The following ARHGAP44 variants were observed in gnomAD, a reference collection of about 807,000 sequenced individuals.
ARHGAP44 encodes rho GTPase-activating protein 44.
In ARHGAP44, 43 loss-of-function variants were observed where a neutral mutation model predicts 106.8. That is an observed-to-expected ratio of 0.40 (90% CI 0.32 to 0.52). The LOEUF is 0.52. Ranked by LOEUF, ARHGAP44 falls within the 20% of genes least tolerant of loss-of-function variation. ARHGAP44 has a pLI of 0.48. For synonymous variants in ARHGAP44, 439 were observed against 410.3 expected (o/e 1.07, Z -0.85); for missense variants, 866 against 1,050.5 (o/e 0.82, Z 2.43).
chr17:12,932,657 A>G (rs778135202), intron 7 of ARHGAP44, among the ~76,000 whole-genome samples: 1 of 151,342 alleles, frequency 6.6e-6, no homozygotes, highest in Non-Finnish European at 1.5e-5. Context: ...ATATACTTTA[A>G]TACATCTGAA....
chr17:12,951,850 T>C (rs1038665726), intron 12 of ARHGAP44, among the ~76,000 whole-genome samples: 5 of 152,186 alleles, frequency 3.3e-5, no homozygotes, highest in African/African-American at 1.2e-4. Flanking sequence ...GAGACTTCGA[T>C]TGAATTGGGC....
intron 3 of ARHGAP44, among the ~76,000 whole-genome samples, chr17:12,903,103 AGAGAGAGAGAGAGAGAGAGAGAG>A (rs2037425190): frequency 6.0e-5 from 7 of 115,948 alleles, no homozygotes; most frequent in Non-Finnish European, 9.9e-5. Flanking sequence ...AGAGAGAGAG[AGAGAGAGAGAGAGAGAGAGAGAG>A]GAGAGAGAGA....
intron 1 of ARHGAP44, among the ~76,000 whole-genome samples, chr17:12,845,879 A>G (rs550713178): frequency 3.9e-5 from 6 of 152,222 alleles, no homozygotes; most frequent in Non-Finnish European, 8.8e-5. Flanking sequence ...TCAGTGGAAT[A>G]CCTATTCTGG....
intron 19 of ARHGAP44, chr17:12,981,007 G>C (rs1172302350): frequency 6.6e-6 from 1 of 152,116 alleles, no homozygotes; most frequent in Non-Finnish European, 1.5e-5. Context: ...CCCTTTTCCA[G>C]CCCCCTTAGT....
intron 1 of ARHGAP44, among the ~76,000 whole-genome samples, chr17:12,871,519 A>T (rs745894151): frequency 2.6e-5 from 4 of 152,118 alleles, no homozygotes; most frequent in Non-Finnish European, 4.4e-5. Context: ...TAGCCAGAGC[A>T]GGAGGAAGAG....
At chr17:12,894,777 T>G (rs1212579940) in intron 1 of ARHGAP44, among the ~76,000 whole-genome samples, 163 bp from the exon 2 acceptor site, 2 of 152,196 alleles carry the variant, frequency 1.3e-5, no homozygotes, top group Non-Finnish European at 2.9e-5. Flanking sequence ...GTTGGTTTTT[T>G]AAGTTTCCTA....
chr17:12,956,378 A>C (rs2039127439), intron 14 of ARHGAP44, among the ~76,000 whole-genome samples: 1 of 152,190 alleles, frequency 6.6e-6, no homozygotes, highest in Non-Finnish European at 1.5e-5. Context: ...GAGGATGAGA[A>C]TCACAGGGAC....
chr17:12,842,517 G>A (rs1427656346), intron 1 of ARHGAP44, among the ~76,000 whole-genome samples: 5 of 151,890 alleles, frequency 3.3e-5, no homozygotes, highest in Non-Finnish European at 5.9e-5. Context: ...ATGTGAAACC[G>A]TGGTTCTCCA....
intron 1 of ARHGAP44, among the ~76,000 whole-genome samples, chr17:12,894,241 A>AGTGTGTGTGT (rs60415791): frequency 5.4e-5 from 8 of 147,994 alleles, no homozygotes; most frequent in African/African-American, 1.8e-4. Context: ...AGAGAGAGAG[A>AGTGTGTGTGT]GTGTGTGTGT....
chr17:12,852,856 A>G (rs915341376), intron 1 of ARHGAP44, among the ~76,000 whole-genome samples: 4 of 152,098 alleles, frequency 2.6e-5, no homozygotes, highest in African/African-American at 9.7e-5. Context: ...GCTGTGTTTA[A>G]AAAAAGTTGT....
At chr17:12,865,290 T>G (rs2036203373) in intron 1 of ARHGAP44, among the ~76,000 whole-genome samples, 1 of 152,134 alleles carries the variant, frequency 6.6e-6, no homozygotes, top group Admixed American at 6.6e-5. Flanking sequence ...AAAAAAAAAT[T>G]GCAATACACA....
chr17:12,945,009 A>AT (rs1370655787), intron 10 of ARHGAP44, among the ~76,000 whole-genome samples: 21 of 151,246 alleles, frequency 1.4e-4, no homozygotes, highest in Non-Finnish European at 1.9e-4. Context: ...TGTCTATGAG[A>AT]AATTTTTTTT....
chr17:12,804,063 T>A (rs1238381224), intron 1 of ARHGAP44, among the ~76,000 whole-genome samples: 1 of 152,206 alleles, frequency 6.6e-6, no homozygotes, highest in African/African-American at 2.4e-5. Context: ...GTCTTGTGAT[T>A]AAGTCACTTG....
Position 12,984,634 on chromosome 17 carries a change from C to T in ARHGAP44, c.2043C>T (p.Pro681=). The T allele has an allele frequency of 1.2e-6, 2 of 1,612,370 alleles. No individual in the cohort carries two copies. The highest frequency in any genetic ancestry group is 1.7e-6 in the Non-Finnish European group (2 of 1,179,450). The change falls in exon 20 of 21, where the codon CCC becomes CCT. Residue 681 remains proline, a synonymous_variant. Coordinates refer to ENST00000379672, the MANE Select transcript of ARHGAP44 (RefSeq NM_014859.6). ...AGCCGTCCCCAGTCAGCCTGTCCCC[C>T]ACCCCGCCCAGCACCCCGTCACCCT... ...AGQPSPVSLS[P]TPPSTPSPYG... is the part of the protein sequence containing the mutation.
intron 16 of ARHGAP44, among the ~76,000 whole-genome samples, chr17:12,967,767 A>G (rs55866001): frequency 6.6e-6 from 1 of 151,950 alleles, no homozygotes; most frequent in Non-Finnish European, 1.5e-5. Context: ...CTCTCCCTGT[A>G]TGGTCTACCA....
chr17:12,891,848 G>A (rs1249275373), intron 1 of ARHGAP44, among the ~76,000 whole-genome samples: 1 of 149,476 alleles, frequency 6.7e-6, no homozygotes, highest in Non-Finnish European at 1.5e-5. Context: ...AGGCTGGAGT[G>A]CAGTGGCATG....
At chr17:12,847,708 G>A (rs997021353) in intron 1 of ARHGAP44, among the ~76,000 whole-genome samples, 11 of 150,988 alleles carry the variant, frequency 7.3e-5, no homozygotes, top group Non-Finnish European at 4.4e-5. Flanking sequence ...TAGTAGAGAC[G>A]GGGTTTCACC....
intron 10 of ARHGAP44, among the ~76,000 whole-genome samples, chr17:12,947,865 T>C (rs1250219388): frequency 6.6e-6 from 1 of 152,230 alleles, no homozygotes; most frequent in Non-Finnish European, 1.5e-5. Context: ...CTTCCTCACA[T>C]ATATGCCCAA....
intron 10 of ARHGAP44, among the ~76,000 whole-genome samples, chr17:12,947,276 C>A (rs56655083): frequency 6.6e-6 from 1 of 152,110 alleles, no homozygotes; most frequent in Non-Finnish European, 1.5e-5. Flanking sequence ...GACTTACTGC[C>A]AGCCTCCTTG....
Sources: allele counts gnomAD v4.1 joint callset (sites outside exome capture counted in the v4.1 genomes callset), GRCh38; gene constraint gnomAD v4.1.1; transcripts MANE v1.5; gene names NCBI Gene and HGNC (gene_info 2026-07-23, HGNC 2026-07-21).